Variants in LHFPL3 observed in about 807,000 individuals in gnomAD.
The protein encoded by LHFPL3 is LHFPL tetraspan subfamily member 3.
A neutral mutation model predicts 19.3 loss-of-function variants in LHFPL3; 5 were observed. The ratio of observed to expected loss-of-function variants is 0.26; its 90% confidence interval spans 0.14 to 0.54. LHFPL3 has a LOEUF of 0.54. Among genes scored for constraint, LHFPL3 ranks in the 20% least tolerant of loss-of-function variants. The pLI, the probability that LHFPL3 is intolerant of heterozygous loss-of-function variation, is 0.94. For missense variants in LHFPL3, 249 were observed against 307.4 expected, an observed-to-expected ratio of 0.81 and a Z score of 1.42; for synonymous variants, 133 against 126.2, an observed-to-expected ratio of 1.05 and a Z score of -0.36.
At chr7:104,663,497 C>A (rs1260749442) in intron 1 of LHFPL3, among the ~76,000 whole-genome samples, 1 of 152,154 alleles carries the variant, frequency 6.6e-6, no homozygotes, top group Non-Finnish European at 1.5e-5. Flanking sequence ...GAGCATTGAT[C>A]CAGGTTACTG....
At chr7:104,637,100 T>C (rs1194018872) in intron 1 of LHFPL3, among the ~76,000 whole-genome samples, 2 of 152,152 alleles carry the variant, frequency 1.3e-5, no homozygotes, top group Admixed American at 6.5e-5. Context: ...GATGGTATCA[T>C]TTTGGTTTTA....
rs185234998 is a variant in LHFPL3 at position 104,430,542 on chromosome 7, C to T, written c.445+101318C>T. 4.2e-3 allele frequency among the ~76,000 whole-genome samples: 563 copies of T among 133,870 alleles called. 16 individuals carry two copies. The highest frequency in any genetic ancestry group is 0.029 in the East Asian group (118 of 4,086). The allele number at this position is 133,870 out of a possible 152,430, so 87.8% of individuals were successfully genotyped here. Reference sequence around the variant, plus strand: ...GGAGTGCAGTGGTGCAATCTCAGCTCACTGCAAGCTCCGCCTGCCAGGTTC... The same window carrying T: ...GGAGTGCAGTGGTGCAATCTCAGCTTACTGCAAGCTCCGCCTGCCAGGTTC... On this transcript the variant is annotated intron_variant, in intron 1 of 2. Transcript: ENST00000424859.
rs1056305420 is a variant in LHFPL3 at position 104,907,825 on chromosome 7, G to C, written c.*1610G>C. Reference sequence around the variant, plus strand: ...TTTTAGCCAAATGTTTCTGGTACGGGCCATCTTTTCACCATAAATGGCATT... The same window carrying C: ...TTTTAGCCAAATGTTTCTGGTACGGCCCATCTTTTCACCATAAATGGCATT... On this transcript the variant is annotated 3_prime_UTR_variant, in exon 3 of 3. Transcript: ENST00000424859. 3.3e-5 allele frequency among the ~76,000 whole-genome samples: 5 copies of C among 152,220 alleles called. No individual in the cohort carries two copies. Among genetic ancestry groups the C allele is most frequent in the Admixed American group, 3.3e-4 (5 of 15,286 alleles).
chr7:104,783,501 A>G (rs955590146), intron 2 of LHFPL3, among the ~76,000 whole-genome samples: 2 of 152,244 alleles, frequency 1.3e-5, no homozygotes, highest in African/African-American at 4.8e-5. Flanking sequence ...GTACATCACA[A>G]TCTTCTAGAG....
intron 2 of LHFPL3, chr7:104,845,588 G>A: frequency 2.4e-6 from 1 of 414,546 alleles, no homozygotes; most frequent in Non-Finnish European, 3.2e-6. Context: ...TTCTGTCTTT[G>A]TTCCTGATTT....
At chr7:104,859,908 T>C (rs1049543072) in intron 2 of LHFPL3, among the ~76,000 whole-genome samples, 1 of 152,170 alleles carries the variant, frequency 6.6e-6, no homozygotes, top group Non-Finnish European at 1.5e-5. Context: ...GTAGGAGATG[T>C]TGATAGTGCA....
intron 1 of LHFPL3, among the ~76,000 whole-genome samples, chr7:104,377,224 CA>C (rs1790733936): frequency 6.6e-6 from 1 of 152,182 alleles, no homozygotes; most frequent in Non-Finnish European, 1.5e-5. Flanking sequence ...GCCATCCTCA[CA>C]GGTGCCTGGT....
chr7:104,374,298 A>G (rs762134717), intron 1 of LHFPL3, among the ~76,000 whole-genome samples: 18 of 151,572 alleles, frequency 1.2e-4, no homozygotes, highest in South Asian at 2.1e-4. Flanking sequence ...CTGGAGTACA[A>G]TGGCGTGATC....
chr7:104,409,007 G>A (rs1791480076), intron 1 of LHFPL3, among the ~76,000 whole-genome samples: 1 of 151,110 alleles, frequency 6.6e-6, no homozygotes, highest in Non-Finnish European at 1.5e-5. Context: ...AGGGACTACA[G>A]GCGCCTGCCA....
chr7:104,636,670 T>C (rs1791733462), intron 1 of LHFPL3, among the ~76,000 whole-genome samples: 1 of 152,178 alleles, frequency 6.6e-6, no homozygotes, highest in South Asian at 2.1e-4. Context: ...CTAAGTATAA[T>C]GGCCTCCAGC....
rs1483804149 is a variant in LHFPL3, at chr7:104,606,306, AG to A, written c.446-130368del. The stretch of plus-strand genomic sequence containing the variant: ...AGAGCAGCGAGTAAGATTTGGAAAT[AG>A]CAAAACAGAGATATCAGAAAGCACT... On this transcript the variant is annotated intron_variant, in intron 1 of 2. Transcript: ENST00000424859. Among the ~76,000 whole-genome samples the A allele has an allele frequency of 2.6e-5, 4 of 152,370 alleles. No individual in the cohort carries two copies. In the East Asian group the frequency reaches 7.7e-4, roughly 29 times the overall value.
intron 1 of LHFPL3, among the ~76,000 whole-genome samples, chr7:104,727,043 A>C (rs1793605052): frequency 6.6e-6 from 1 of 152,212 alleles, no homozygotes. Context: ...CATGAGAAGC[A>C]TCTCATTGTC....
chr7:104,829,241 G>GA (rs1278341983), intron 2 of LHFPL3, among the ~76,000 whole-genome samples: 1 of 151,818 alleles, frequency 6.6e-6, no homozygotes, highest in Non-Finnish European at 1.5e-5. Context: ...GAGGGAAGCA[G>GA]AAATGGGGGC....
At chr7:104,711,633 T>C (rs546471731) in intron 1 of LHFPL3, among the ~76,000 whole-genome samples, 3 of 151,910 alleles carry the variant, frequency 2.0e-5, no homozygotes, top group Admixed American at 1.3e-4. Flanking sequence ...AAAAAAACAA[T>C]GTACACAGCT....
At chr7:104,811,166 C>CTTTTCTTTTCTTTTCTTTTCT (rs112135860) in intron 2 of LHFPL3, among the ~76,000 whole-genome samples, 6 of 18,024 alleles carry the variant, frequency 3.3e-4, no homozygotes, top group African/African-American at 3.8e-4. Context: ...TTCTTTCTTT[C>CTTTTCTTTTCTTTTCTTTTCT]TTTCTTTTCT....
intron 1 of LHFPL3, among the ~76,000 whole-genome samples, chr7:104,380,983 G>T (rs1790815553): frequency 6.6e-6 from 1 of 152,158 alleles, no homozygotes; most frequent in South Asian, 2.1e-4. Flanking sequence ...TGTAAAAGGA[G>T]ATGTACAGTT....
chr7:104,781,702 A>T (rs933457886), intron 2 of LHFPL3, among the ~76,000 whole-genome samples: 3 of 152,066 alleles, frequency 2.0e-5, no homozygotes, highest in Non-Finnish European at 4.4e-5. Flanking sequence ...GACTTTCTTC[A>T]ATGTCACCAG....
intron 1 of LHFPL3, among the ~76,000 whole-genome samples, chr7:104,362,567 G>A (rs563258411): frequency 2.0e-5 from 3 of 152,290 alleles, no homozygotes; most frequent in Non-Finnish European, 4.4e-5. Context: ...ACCTCATGCT[G>A]TTTCCTCAAT....
At chr7:104,435,239 C>T (rs1158603938) in intron 1 of LHFPL3, among the ~76,000 whole-genome samples, 2 of 151,988 alleles carry the variant, frequency 1.3e-5, no homozygotes, top group East Asian at 3.9e-4. Context: ...AACTCCCGGG[C>T]CCAAGGGATC....
Sources: allele counts gnomAD v4.1 joint callset (sites outside exome capture counted in the v4.1 genomes callset), GRCh38; gene constraint gnomAD v4.1.1; transcripts MANE v1.5; gene names NCBI Gene and HGNC (gene_info 2026-07-23, HGNC 2026-07-21).